Variants in DTNB observed in about 807,000 individuals in gnomAD.
DTNB encodes DTN-B.
A neutral mutation model predicts 90.7 loss-of-function variants in DTNB; 63 were observed. The observed-to-expected ratio is 0.69, with a 90% CI of 0.57 to 0.86. The LOEUF (loss-of-function observed/expected upper bound fraction) is 0.86. Ranked by LOEUF, DTNB falls within the 40% of genes least tolerant of loss-of-function variation. The pLI is 0.00. For synonymous variants in DTNB, 277 were observed against 286.7 expected, an observed-to-expected ratio of 0.97 and a Z score of 0.34; for missense variants, 744 against 807.1, an observed-to-expected ratio of 0.92 and a Z score of 0.95.
chr2:25,546,538 T>C (rs2082453670), intron 8 of DTNB, among the ~76,000 whole-genome samples: 1 of 152,222 alleles, frequency 6.6e-6, no homozygotes, highest in Admixed American at 6.5e-5. Flanking sequence ...TCCACTTACC[T>C]TGTTTCGTGA....
chr2:25,504,002 T>A (rs1422561911), intron 9 of DTNB, among the ~76,000 whole-genome samples: 3 of 152,120 alleles, frequency 2.0e-5, no homozygotes, highest in East Asian at 3.8e-4. Flanking sequence ...GCGCAGTGGC[T>A]CACGCCTGTA....
chr2:25,473,947 G>T (rs2063286857), intron 10 of DTNB, among the ~76,000 whole-genome samples: 1 of 152,188 alleles, frequency 6.6e-6, no homozygotes, highest in South Asian at 2.1e-4. Context: ...GTCTATGACG[G>T]ATGTGACGCT....
chr2:25,534,397 A>G (rs1389142762), intron 8 of DTNB, among the ~76,000 whole-genome samples: 4 of 152,170 alleles, frequency 2.6e-5, no homozygotes, highest in African/African-American at 9.7e-5. Flanking sequence ...TCCTATGTCT[A>G]TCTCTTTCTA....
chr2:25,404,401 A>T (rs2044514533), intron 16 of DTNB, among the ~76,000 whole-genome samples: 1 of 152,114 alleles, frequency 6.6e-6, no homozygotes, highest in Non-Finnish European at 1.5e-5. Flanking sequence ...GGGAAAGTGC[A>T]TGACTGAGGC....
intron 6 of DTNB, among the ~76,000 whole-genome samples, chr2:25,581,323 T>C (rs187695356): frequency 2.9e-4 from 44 of 152,232 alleles, no homozygotes; most frequent in Admixed American, 2.6e-3. Context: ...GAAAAGATAA[T>C]AATAATAATT....
At chr2:25,416,792 G>GGAAGGAAC (rs2149775215) in intron 16 of DTNB, among the ~76,000 whole-genome samples, 1 of 134,910 alleles carries the variant, frequency 7.4e-6, no homozygotes, top group Non-Finnish European at 1.6e-5. Context: ...CTGGAAGGAA[G>GGAAGGAAC]GAAGGAAGGA....
intron 6 of DTNB, among the ~76,000 whole-genome samples, chr2:25,583,263 ATATATAT>A (rs1180154023): frequency 1.6e-5 from 2 of 122,514 alleles, no homozygotes; most frequent in African/African-American, 6.4e-5. Flanking sequence ...AAAAAAAAAA[ATATATAT>A]ATATATATAT....
At chr2:25,394,450 C>T (rs2041926368) in intron 16 of DTNB, among the ~76,000 whole-genome samples, 2 of 152,174 alleles carry the variant, frequency 1.3e-5, no homozygotes, top group Non-Finnish European at 2.9e-5. Context: ...GCAAAGTTAA[C>T]AAACAACCCA....
At chr2:25,619,870 T>A (rs1447879600) in intron 4 of DTNB, among the ~76,000 whole-genome samples, 1 of 151,882 alleles carries the variant, frequency 6.6e-6, no homozygotes, top group Non-Finnish European at 1.5e-5. Flanking sequence ...TGAAACCCCA[T>A]CTCTACTAAA....
chr2:25,415,885 C>T (rs542503613), intron 16 of DTNB, among the ~76,000 whole-genome samples: 76 of 152,228 alleles, frequency 5.0e-4, no homozygotes, highest in African/African-American at 1.6e-3. Context: ...CTTATAATAA[C>T]CTTTAAAATC....
At chr2:25,583,986 TC>T (rs2061967068) in intron 6 of DTNB, among the ~76,000 whole-genome samples, 1 of 152,162 alleles carries the variant, frequency 6.6e-6, no homozygotes, top group African/African-American at 2.4e-5. Context: ...CAGAGCCATG[TC>T]CAAGCACTCT....
chr2:25,416,269 C>G (rs1010155500), intron 16 of DTNB, among the ~76,000 whole-genome samples: 7 of 152,208 alleles, frequency 4.6e-5, no homozygotes, highest in Non-Finnish European at 8.8e-5. Flanking sequence ...GGGAATGAAG[C>G]AAGAAGGTGG....
At chr2:25,460,170 G>A (rs1178261168) in intron 10 of DTNB, among the ~76,000 whole-genome samples, 1 of 152,070 alleles carries the variant, frequency 6.6e-6, no homozygotes, top group Non-Finnish European at 1.5e-5. Flanking sequence ...TGGATGTAAG[G>A]GAATGAGAGG....
At chr2:25,646,903 C>T (rs1222197779) in intron 2 of DTNB, among the ~76,000 whole-genome samples, 2 of 152,132 alleles carry the variant, frequency 1.3e-5, no homozygotes, top group Non-Finnish European at 2.9e-5. Flanking sequence ...GAATTTGACT[C>T]TTTTTGTCAA....
At chr2:25,590,057 ACTGCAAG>A (rs956089860) in intron 6 of DTNB, among the ~76,000 whole-genome samples, 18 of 152,164 alleles carry the variant, frequency 1.2e-4, no homozygotes, top group Admixed American at 2.0e-4. Context: ...GACCAGGCAT[ACTGCAAG>A]CTGCTTCCAC....
chr2:25,634,016 C>A (rs959368703), intron 3 of DTNB, among the ~76,000 whole-genome samples: 129 of 152,228 alleles, frequency 8.5e-4, no homozygotes, highest in African/African-American at 2.9e-3. Flanking sequence ...CTCCGCCCGG[C>A]AGCCACCCCG....
chr2:25,617,805 G>A (rs1364882592), intron 4 of DTNB, among the ~76,000 whole-genome samples: 1 of 152,180 alleles, frequency 6.6e-6, no homozygotes, highest in African/African-American at 2.4e-5. Flanking sequence ...TTGAACCCAT[G>A]AGGTGGAGGT....
chr2:25,669,904 C>CA (rs779907434), intron 1 of DTNB, among the ~76,000 whole-genome samples: 1,308 of 122,098 alleles, frequency 0.011, 19 homozygotes, highest in African/African-American at 0.034. Context: ...GACCCTATCT[C>CA]AAAAAAAAAA....
rs139031705 is a variant in DTNB at position 25,607,803 on chromosome 2, T to C, written c.363-482A>G. Among the ~76,000 whole-genome samples, 17 of 152,348 alleles carry C rather than the reference T, an allele frequency of 1.1e-4. No homozygotes were observed. The East Asian group carries it at 3.1e-3, about 28-fold the overall frequency. ...TTTTATAGTACATTCATCTTTGTTT[T>C]TACTGTAACAACCTTTATGTTACCA... is the stretch of plus-strand genomic sequence containing the variant. On this transcript the variant is annotated intron_variant, in intron 4 of 20. Transcript: ENST00000406818.
Sources: gnomAD v4.1 joint callset for allele counts (sites outside exome capture counted in the v4.1 genomes callset) on GRCh38, gnomAD v4.1.1 for gene constraint, MANE v1.5 for transcripts, NCBI Gene and HGNC (gene_info 2026-07-23, HGNC 2026-07-21) for gene names.